UBFD1: variants seen among roughly 807,000 people sequenced by gnomAD.
UBFD1 encodes ubiquitin family domain containing 1, also known as ubiquitin domain-containing protein UBFD1.
UBFD1 carries 12 observed loss-of-function variants against 35.1 expected under a neutral mutation model. The ratio of observed to expected loss-of-function variants is 0.34; its 90% confidence interval spans 0.22 to 0.55. The LOEUF is 0.55. UBFD1 is among the 20% of genes least tolerant of loss of function. The pLI, the probability that UBFD1 is intolerant of heterozygous loss-of-function variation, is 0.89. For synonymous variants in UBFD1, 178 were observed against 167.6 expected (o/e 1.06, Z -0.48); for missense variants, 337 against 410.8 (o/e 0.82, Z 1.55).
chr16:23,559,908 T>G, intron 3 of UBFD1: 1 of 1,510,016 alleles, frequency 6.6e-7, no homozygotes, highest in Non-Finnish European at 8.8e-7. Flanking sequence ...GGATAAGACC[T>G]TGGTAAAGGG....
At chr16:23,557,835 G>C in intron 1 of UBFD1, 68 bp downstream of exon 1, 1 of 1,274,238 alleles carries the variant, frequency 7.8e-7, no homozygotes, top group Non-Finnish European at 9.9e-7. Context: ...TGGGGGATGC[G>C]GCCCGGCCCG....
Position 23,570,546 on chromosome 16 carries a change from G to A in UBFD1, c.886G>A (p.Asp296Asn). 6.2e-7 allele frequency: 1 copy of A among 1,614,054 alleles called. No individual in the cohort carries two copies. The highest frequency in any genetic ancestry group is 8.5e-7 in the Non-Finnish European group (1 of 1,179,988). ...GTACTGGGTTCCAACTCAATATGTG[G>A]ATGCAATCAAAGACACTGTGCTGGG... Reference protein sequence around the residue: ...WVYWVPTQYVDAIKDTVLGKW... With the variant: ...WVYWVPTQYVNAIKDTVLGKW... The change falls in exon 7 of 7, where the codon GAT becomes AAT. Residue 296 changes from aspartate (D) to asparagine (N), a missense_variant. By Grantham distance (23) the Asp-to-Asn change is conservative. This residue lies in a region of UBFD1 where 71 missense variants were observed against 149.6 expected (regional missense o/e 0.47). Transcript: ENST00000395878.
intron 5 of UBFD1, among the ~76,000 whole-genome samples, chr16:23,563,168 C>T (rs1287065893): frequency 2.6e-5 from 4 of 151,946 alleles, no homozygotes; most frequent in Non-Finnish European, 4.4e-5. Context: ...CCACTAGAGC[C>T]GAGTGGTGGT....
intron 2 of UBFD1, among the ~76,000 whole-genome samples, chr16:23,558,657 T>C (rs1480735767): frequency 6.6e-6 from 1 of 152,244 alleles, no homozygotes; most frequent in Non-Finnish European, 1.5e-5. Flanking sequence ...TCTTAGGTAA[T>C]TCTTCTAAGT....
At chr16:23,560,706 T>C (rs531336890) in intron 3 of UBFD1, among the ~76,000 whole-genome samples, 10 of 152,186 alleles carry the variant, frequency 6.6e-5, no homozygotes, top group Non-Finnish European at 1.5e-4. Context: ...GAGAAGATTG[T>C]TATGTATTTG....
At chr16:23,568,879 A>G (rs551755217) in intron 6 of UBFD1, 1 of 152,302 alleles carries the variant, frequency 6.6e-6, no homozygotes, top group South Asian at 2.1e-4. Context: ...AATGTTTTTA[A>G]CTGGGCCCCA....
rs1453305556 is a variant in UBFD1 at position 23,573,093 on chromosome 16, A to G, written c.*2503A>G. On this transcript the variant is annotated 3_prime_UTR_variant, in exon 7 of 7. Coordinates refer to ENST00000395878, the MANE Select transcript of UBFD1 (RefSeq NM_019116.3). ...ACTAAATCTGTGTAAGCAAATTGAA[A>G]TACTCTTTCTTTTAGGTAGCGTCAC... The G allele has an allele frequency of 6.6e-6, 1 of 152,064 alleles. No homozygotes were observed. Among genetic ancestry groups the G allele is most frequent in the Admixed American group, 6.5e-5 (1 of 15,276 alleles). 9.4% of individuals were successfully genotyped at this position (152,064 alleles called of 1,614,324 possible). A position where few individuals can be genotyped will look rare whatever the true frequency, so the allele number is the denominator to read the frequency against.
rs1480008814 is a variant in UBFD1 at position 23,562,268 on chromosome 16, C to T, written c.627C>T (p.Ala209=). The T allele has an allele frequency of 6.2e-7, 1 of 1,613,258 alleles. No homozygotes were observed. Among genetic ancestry groups the T allele is most frequent in the Non-Finnish European group, 8.5e-7 (1 of 1,179,754 alleles). The part of the protein sequence containing the change: ...PEDVMPSVKG[A]QERLPTVPLS... ...ATGTGATGCCATCTGTTAAGGGGGC[C>T]CAGGTAAGGCGGATTTCTTTGTGAG... Residue 209 remains alanine (A), a synonymous_variant, in exon 4 of 7, where the codon GCC becomes GCT. Coordinates refer to ENST00000395878, the MANE Select transcript of UBFD1 (RefSeq NM_019116.3).
In UBFD1 at chr16:23,571,152, T is replaced by G. The variant is rs1413102966; in HGVS notation, c.*562T>G. ...TTCCCTTTTTCATTCTCTCGCTTCCTCAATTTGAGTTTTTGTTTTAAGAAC... is the reference window on the plus strand; with the variant it reads ...TTCCCTTTTTCATTCTCTCGCTTCCGCAATTTGAGTTTTTGTTTTAAGAAC... On this transcript the variant is annotated 3_prime_UTR_variant, in exon 7 of 7. Coordinates refer to ENST00000395878, the MANE Select transcript of UBFD1 (RefSeq NM_019116.3). The G allele has an allele frequency of 6.6e-6, 1 of 152,626 alleles. No individual in the cohort carries two copies. Among genetic ancestry groups the G allele is most frequent in the African/African-American group, 2.4e-5 (1 of 41,442 alleles). The allele number at this position is 152,626 out of a possible 1,614,324, so 9.5% of individuals were successfully genotyped here. A position where few individuals can be genotyped will look rare whatever the true frequency, so the allele number is the denominator to read the frequency against.
At position 23,558,123 on chromosome 16, in the gene UBFD1, G is replaced by A; in HGVS notation, c.199G>A (p.Ala67Thr). The A allele has an allele frequency of 6.3e-7, 1 of 1,599,734 alleles. No homozygotes were observed. The highest frequency in any genetic ancestry group is 1.7e-5 in the Admixed American group (1 of 58,380). The part of the protein sequence containing the change: ...APAQPPGDPA[A>T]QASVSNGEDA... Reference sequence around the variant, plus strand: ...GGCCCAGCCCCCTGGGGACCCCGCAGCCCAGGCCTCGGTCAGCAACGGCGA... The same window carrying A: ...GGCCCAGCCCCCTGGGGACCCCGCAACCCAGGCCTCGGTCAGCAACGGCGA... Residue 67 changes from alanine (A) to threonine (T), a missense_variant, in exon 2 of 7, where the codon GCC becomes ACC. Coordinates refer to ENST00000395878, the MANE Select transcript of UBFD1 (RefSeq NM_019116.3).
chr16:23,562,643 C>A lies in UBFD1; in HGVS notation c.649C>A (p.Pro217Thr). 6.2e-7 allele frequency: 1 copy of A among 1,614,144 alleles called. No individual in the cohort carries two copies. The highest frequency in any genetic ancestry group is 8.5e-7 in the Non-Finnish European group (1 of 1,180,012). Residue 217 changes from proline to threonine, a missense_variant, in exon 5 of 7, where the codon CCG (proline) becomes ACG (threonine). Pro to Thr is a conservative substitution (Grantham distance 38). Coordinates refer to ENST00000395878, the MANE Select transcript of UBFD1 (RefSeq NM_019116.3). ...CCTTCAGGAGCGCCTGCCAACGGTA[C>A]CGCTGTCCGGCATGTACAATAAATC... ...KGAQERLPTV[P>T]LSGMYNKSGG...
rs776236181 is a variant in UBFD1 at position 23,558,072 on chromosome 16, G to T, written c.148G>T (p.Ala50Ser). 1 of 1,424,778 alleles carries T rather than the reference G, an allele frequency of 7.0e-7. No individual in the cohort carries two copies. Among genetic ancestry groups the T allele is most frequent in the African/African-American group, 1.5e-5 (1 of 66,352 alleles). 88.3% of individuals were successfully genotyped at this position (1,424,778 alleles called of 1,614,324 possible). A position where few individuals can be genotyped will look rare whatever the true frequency, so the allele number is the denominator to read the frequency against. ...GGCGGCGGCCGAGGACTCCGGCGCC[G>T]CACGAGGCAGCCTGCAGCCGGCCCC... is the stretch of plus-strand genomic sequence containing the variant. ...AGAAAEDSGA[A>S]RGSLQPAPAQ... The change falls in exon 2 of 7, where the codon GCA becomes TCA. Residue 50 changes from alanine (A) to serine (S), a missense_variant. Coordinates refer to ENST00000395878, the MANE Select transcript of UBFD1 (RefSeq NM_019116.3).
rs972785123 is a variant in UBFD1 at position 23,567,099 on chromosome 16, C to G, written c.819+30C>G. 10 of 1,589,580 alleles carry G rather than the reference C, an allele frequency of 6.3e-6. No homozygotes were observed. In the African/African-American group the frequency reaches 1.2e-4, roughly 19 times the overall value. Reference sequence around the variant, plus strand: ...GTAGCGCTGGCTGAGTTCAGCCCCTCTCACTAGACTCCCACTTCACCTGGC... The same window carrying G: ...GTAGCGCTGGCTGAGTTCAGCCCCTGTCACTAGACTCCCACTTCACCTGGC... On this transcript the variant is annotated intron_variant, in intron 6 of 6. Transcript: ENST00000395878.
chr16:23,562,548 G>T, intron 4 of UBFD1, 77 bp from the exon 5 acceptor site: 1 of 1,376,600 alleles, frequency 7.3e-7, no homozygotes, highest in South Asian at 1.3e-5. Context: ...GATTACAGGC[G>T]TGAGCCACCG....
At chr16:23,563,778 C>T (rs1467793109) in intron 5 of UBFD1, among the ~76,000 whole-genome samples, 1 of 152,226 alleles carries the variant, frequency 6.6e-6, no homozygotes, top group Non-Finnish European at 1.5e-5. Flanking sequence ...ATTTTAGCCG[C>T]ATCTCTCTGT....
chr16:23,564,712 G>A (rs1377090927), intron 5 of UBFD1: 1 of 152,244 alleles, frequency 6.6e-6, no homozygotes, highest in African/African-American at 2.4e-5. Flanking sequence ...AGGCAGAGAA[G>A]TCTGGATGGG....
rs375521284 is a variant in UBFD1 at position 23,557,780 on chromosome 16, G to C, written c.25+13G>C. ...GGGGCCCCGGATGGTGAGTGCGGCG[G>C]GGGTGGCGGGCGCCGGGCCGGGGCT... On this transcript the variant is annotated intron_variant, in intron 1 of 6. Coordinates refer to ENST00000395878, the MANE Select transcript of UBFD1 (RefSeq NM_019116.3). 2.7e-5 allele frequency: 35 copies of C among 1,283,284 alleles called. No homozygotes were observed. In the East Asian group the frequency reaches 2.8e-4, roughly 10 times the overall value. The allele number at this position is 1,283,284 out of a possible 1,614,324, so 79.5% of individuals were successfully genotyped here. A position where few individuals can be genotyped will look rare whatever the true frequency, so the allele number is the denominator to read the frequency against.
chr16:23,567,210 C>G (rs1428349322), intron 6 of UBFD1, 141 bp downstream of exon 6: 9 of 733,606 alleles, frequency 1.2e-5, no homozygotes, highest in Non-Finnish European at 1.8e-5. Context: ...ATGTTTTCTT[C>G]ATCTACTTAG....
At chr16:23,567,326 A>C (rs532796738) in intron 6 of UBFD1, among the ~76,000 whole-genome samples, 1 of 152,198 alleles carries the variant, frequency 6.6e-6, no homozygotes, top group East Asian at 1.9e-4. Flanking sequence ...TCTTTTAGAA[A>C]AGTCTCTCTT....
Sources: allele counts gnomAD v4.1 joint callset (sites outside exome capture counted in the v4.1 genomes callset), GRCh38; gene constraint gnomAD v4.1.1; regional missense constraint gnomAD v4.1.1; transcripts MANE v1.5; gene names NCBI Gene and HGNC (gene_info 2026-07-23, HGNC 2026-07-21).